Variants in RTL4 observed in about 807,000 individuals in gnomAD.
RTL4 encodes the protein retrotransposon Gag-like protein 4.
RTL4 carries 4 observed loss-of-function variants against 5.3 expected under a neutral mutation model. The ratio of observed to expected loss-of-function variants is 0.75; its 90% CI spans 0.37 to 1.72. RTL4 has a LOEUF of 1.72. Ranked by LOEUF, RTL4 falls within the 40% of genes most tolerant of loss-of-function variation. The pLI, the probability that RTL4 is intolerant of heterozygous loss-of-function variation, is 0.04. For missense variants in RTL4, 260 were observed against 227.1 expected (o/e 1.14, Z -0.93); for synonymous variants, 98 against 87.3 (o/e 1.12, Z -0.68).
At chrX:112,344,007 T>C in the RTL4 span, among the ~76,000 whole-genome samples, 1 of 112,220 alleles carries the variant, frequency 8.9e-6, no homozygotes, top group Non-Finnish European at 1.9e-5. Context: ...TTCATTTTTC[T>C]TCACCAAAAG....
the RTL4 span, among the ~76,000 whole-genome samples, chrX:112,091,341 T>C: frequency 1.8e-5 from 2 of 111,886 alleles, no homozygotes; most frequent in Non-Finnish European, 3.8e-5. Context: ...AGTTAGGTTA[T>C]TAATTTAGGT....
chrX:112,120,777 T>C, the RTL4 span, among the ~76,000 whole-genome samples: 1 of 111,651 alleles, frequency 9.0e-6, no homozygotes. Flanking sequence ...AACATCACTC[T>C]TTTCCTGCCG....
At chrX:112,452,249 C>A (rs980356877), upstream of RTL4, among the ~76,000 whole-genome samples, 2 of 96,487 alleles carry the variant, frequency 2.1e-5, no homozygotes, top group Non-Finnish European at 4.2e-5. Context: ...TGCCACCACG[C>A]GCAGCTAATT....
the RTL4 span, among the ~76,000 whole-genome samples, chrX:112,198,030 G>A: frequency 3.6e-5 from 4 of 111,261 alleles, no homozygotes; most frequent in Non-Finnish European, 5.7e-5. Flanking sequence ...AGAAGGCCTC[G>A]TCTGAGAGTC....
chrX:112,449,373 T>C, the RTL4 span, among the ~76,000 whole-genome samples: 4 of 111,698 alleles, frequency 3.6e-5, no homozygotes, highest in South Asian at 3.7e-4. Flanking sequence ...GATAAAGCCA[T>C]GAAAAGAAGC....
chrX:112,114,741 C>T, the RTL4 span, among the ~76,000 whole-genome samples: 3 of 110,979 alleles, frequency 2.7e-5, no homozygotes, highest in African/African-American at 9.8e-5. Context: ...GGGGAGCTAT[C>T]GGGAGGCTAG....
At chrX:112,114,532 C>G in the RTL4 span, among the ~76,000 whole-genome samples, 1 of 111,829 alleles carries the variant, frequency 8.9e-6, no homozygotes, top group Non-Finnish European at 1.9e-5. Context: ...TGTCTGAAAA[C>G]TTCCCCAGGT....
the RTL4 span, among the ~76,000 whole-genome samples, chrX:112,115,347 C>A: frequency 2.7e-5 from 3 of 111,439 alleles, no homozygotes; most frequent in East Asian, 8.4e-4. Context: ...GTGGCCCTTA[C>A]CGACATATTC....
chrX:112,409,932 G>A, the RTL4 span, among the ~76,000 whole-genome samples: 1 of 101,233 alleles, frequency 9.9e-6, no homozygotes, highest in South Asian at 4.8e-4. Flanking sequence ...ACATAAAGTG[G>A]ATGAATGAAT....
At chrX:112,161,752 G>A in the RTL4 span, among the ~76,000 whole-genome samples, 1,512 of 109,500 alleles carry the variant, frequency 0.014, 24 homozygotes, top group African/African-American at 0.048. Flanking sequence ...TTTAAAAATC[G>A]CACTCTATTA....
At chrX:112,105,229 A>G in the RTL4 span, among the ~76,000 whole-genome samples, 1 of 111,582 alleles carries the variant, frequency 9.0e-6, no homozygotes, top group African/African-American at 3.2e-5. Flanking sequence ...TGGGCTTTCT[A>G]TTCTGTTCCA....
the RTL4 span, among the ~76,000 whole-genome samples, chrX:112,248,903 T>C: frequency 8.9e-6 from 1 of 112,249 alleles, no homozygotes; most frequent in Non-Finnish European, 1.9e-5. Context: ...GTTAGCAATA[T>C]GATAGCAAGA....
At chrX:112,300,156 T>C in the RTL4 span, among the ~76,000 whole-genome samples, 3 of 111,821 alleles carry the variant, frequency 2.7e-5, no homozygotes, top group South Asian at 1.1e-3. Context: ...CTTTCACTCA[T>C]CTGATTTTAC....
At chrX:112,149,949 A>C in the RTL4 span, among the ~76,000 whole-genome samples, 1 of 111,834 alleles carries the variant, frequency 8.9e-6, no homozygotes, top group Non-Finnish European at 1.9e-5. Context: ...ATTTAAGTAG[A>C]GAAATGAAGA....
the RTL4 span, among the ~76,000 whole-genome samples, chrX:112,210,332 G>A: frequency 3.6e-5 from 4 of 111,843 alleles, no homozygotes; most frequent in Non-Finnish European, 5.6e-5. Context: ...GTTATTTACC[G>A]CTCTGTACTT....
the RTL4 span, among the ~76,000 whole-genome samples, chrX:112,230,642 C>T: frequency 6.2e-4 from 70 of 112,162 alleles, no homozygotes; most frequent in African/African-American, 1.9e-3. Context: ...TGTTCCTATT[C>T]GGCCATCGTG....
the RTL4 span, among the ~76,000 whole-genome samples, chrX:112,352,200 C>G: frequency 2.7e-5 from 3 of 111,598 alleles, no homozygotes; most frequent in Admixed American, 2.9e-4. Context: ...TTGGCCCCCA[C>G]TCTCTTCTGG....
chrX:112,152,495 C>G, the RTL4 span, among the ~76,000 whole-genome samples: 1 of 111,472 alleles, frequency 9.0e-6, no homozygotes, highest in African/African-American at 3.3e-5. Flanking sequence ...TAGTGCCTGG[C>G]CCATCATAGC....
chrX:112,206,412 A>G, the RTL4 span, among the ~76,000 whole-genome samples: 1 of 111,289 alleles, frequency 9.0e-6, no homozygotes, highest in Non-Finnish European at 1.9e-5. Context: ...TGCCAGCATT[A>G]CTTTTCTGTA....
Sources: gnomAD v4.1 joint callset for allele counts (sites outside exome capture counted in the v4.1 genomes callset) on GRCh38, gnomAD v4.1.1 for gene constraint, MANE v1.5 for transcripts, NCBI Gene and HGNC (gene_info 2026-07-23, HGNC 2026-07-21) for gene names.